The following RSRC1 variants were observed in gnomAD, a reference collection of about 807,000 sequenced individuals.
RSRC1 encodes arginine and serine rich coiled-coil 1, also known as serine/Arginine-related protein 53.
RSRC1 carries 39 observed loss-of-function variants against 49.1 expected under a neutral mutation model. The observed-to-expected ratio is 0.79, with a 90% CI of 0.61 to 1.04. The LOEUF (loss-of-function observed/expected upper bound fraction) is 1.04. RSRC1 is among the 50% of genes least tolerant of loss of function. The pLI is 0.00. For synonymous variants in RSRC1, 143 were observed against 130.8 expected (o/e 1.09, Z -0.63); for missense variants, 388 against 402.4 (o/e 0.96, Z 0.31).
intron 4 of RSRC1, among the ~76,000 whole-genome samples, chr3:158,291,383 AC>A (rs1319010317): frequency 2.6e-5 from 4 of 152,232 alleles, no homozygotes; most frequent in African/African-American, 9.6e-5. Context: ...TTATAATTAA[AC>A]CCTCACTGGA....
chr3:158,391,842 GAT>G (rs1491137171), intron 6 of RSRC1, among the ~76,000 whole-genome samples: 2 of 152,004 alleles, frequency 1.3e-5, no homozygotes, highest in Non-Finnish European at 2.9e-5. Flanking sequence ...GCTAGTTTGA[GAT>G]ATTTTTCACA....
At chr3:158,242,481 T>G (rs1433456584) in intron 4 of RSRC1, among the ~76,000 whole-genome samples, 1 of 152,178 alleles carries the variant, frequency 6.6e-6, no homozygotes, top group Non-Finnish European at 1.5e-5. Context: ...ATTTCATGTC[T>G]TTGCTATTGT....
At chr3:158,489,333 A>AGG (rs1738968416) in intron 7 of RSRC1, among the ~76,000 whole-genome samples, 1 of 152,222 alleles carries the variant, frequency 6.6e-6, no homozygotes, top group Non-Finnish European at 1.5e-5. Flanking sequence ...GGTTCTTCCA[A>AGG]GTCCACCCTT....
In RSRC1 at chr3:158,539,043, C is replaced by T. The variant is rs1329029079; in HGVS notation, c.759+1845C>T. Among the ~76,000 whole-genome samples, 1 of 151,932 alleles carries T rather than the reference C, an allele frequency of 6.6e-6. No individual in the cohort carries two copies. The highest frequency in any genetic ancestry group is 1.5e-5 in the Non-Finnish European group (1 of 67,880). On this transcript the variant is annotated intron_variant, in intron 8 of 9. Transcript: ENST00000611884. The surrounding 1 kb of genome is among the most constrained non-coding windows in gnomAD (Gnocchi z 4.1). Reference sequence around the variant, plus strand: ...TACTTAGCAAAAGGAGGTAAATTATCTTGTGGACCCTTTTATCCAGATCAT... The same window carrying T: ...TACTTAGCAAAAGGAGGTAAATTATTTTGTGGACCCTTTTATCCAGATCAT...
At chr3:158,482,551 A>G (rs555221879) in intron 7 of RSRC1, among the ~76,000 whole-genome samples, 6 of 152,146 alleles carry the variant, frequency 3.9e-5, no homozygotes, top group African/African-American at 1.4e-4. Flanking sequence ...AGGAGAATGG[A>G]CAAGAAGACT....
chr3:158,264,846 G>T (rs145652918), intron 4 of RSRC1, among the ~76,000 whole-genome samples: 1 of 152,174 alleles, frequency 6.6e-6, no homozygotes, highest in East Asian at 1.9e-4. Context: ...AGTTTTTCCT[G>T]TCTGGCTTGT....
At chr3:158,294,133 T>C (rs1727099491) in intron 4 of RSRC1, among the ~76,000 whole-genome samples, 1 of 152,100 alleles carries the variant, frequency 6.6e-6, no homozygotes, top group African/African-American at 2.4e-5. Flanking sequence ...TTAACCCTCC[T>C]TCTAGGATTC....
intron 1 of RSRC1, among the ~76,000 whole-genome samples, chr3:158,119,822 A>C (rs2108160258): frequency 7.0e-6 from 1 of 143,804 alleles, no homozygotes; most frequent in Non-Finnish European, 1.5e-5. Flanking sequence ...TATATTTATA[A>C]TTTCATAGTC....
intron 5 of RSRC1, among the ~76,000 whole-genome samples, chr3:158,314,132 C>T (rs1190421092): frequency 6.6e-6 from 1 of 152,014 alleles, no homozygotes; most frequent in South Asian, 2.1e-4. Flanking sequence ...CTCTTGTTAC[C>T]CAGGCTGGAG....
intron 6 of RSRC1, among the ~76,000 whole-genome samples, chr3:158,430,002 C>A (rs1324927421): frequency 6.6e-6 from 1 of 151,068 alleles, no homozygotes; most frequent in East Asian, 2.0e-4. Flanking sequence ...TGACTTGTAG[C>A]TTTAAAATTT....
At chr3:158,157,255 A>C (rs987522138) in intron 3 of RSRC1, among the ~76,000 whole-genome samples, 2 of 152,256 alleles carry the variant, frequency 1.3e-5, no homozygotes, top group African/African-American at 2.4e-5. Flanking sequence ...AGGGCCAGAC[A>C]TTAATAGAGA....
chr3:158,308,826 G>A (rs1427793593), intron 5 of RSRC1, among the ~76,000 whole-genome samples: 1 of 151,768 alleles, frequency 6.6e-6, no homozygotes, highest in South Asian at 2.1e-4. Context: ...TTTCATTTTC[G>A]CAGAATGGTG....
intron 4 of RSRC1, among the ~76,000 whole-genome samples, chr3:158,242,376 A>G (rs999161663): frequency 6.6e-6 from 1 of 152,154 alleles, no homozygotes; most frequent in South Asian, 2.1e-4. Flanking sequence ...TGCAAAGGAC[A>G]TGATCTTGTT....
chr3:158,332,854 C>A (rs897636844), intron 5 of RSRC1, among the ~76,000 whole-genome samples: 1 of 151,766 alleles, frequency 6.6e-6, no homozygotes, highest in Non-Finnish European at 1.5e-5. Flanking sequence ...GTTAGCATTT[C>A]TGCATGTTAC....
chr3:158,229,448 G>A (rs1335687659), intron 4 of RSRC1, among the ~76,000 whole-genome samples: 1 of 148,780 alleles, frequency 6.7e-6, no homozygotes, highest in Admixed American at 6.7e-5. Flanking sequence ...ATATACACAC[G>A]TATATGTGTA....
At chr3:158,145,284 A>T (rs1266882951) in intron 3 of RSRC1, among the ~76,000 whole-genome samples, 1 of 152,188 alleles carries the variant, frequency 6.6e-6, no homozygotes, top group East Asian at 1.9e-4. Flanking sequence ...TTAAGTCTTT[A>T]ATCCATCTTG....
intron 6 of RSRC1, among the ~76,000 whole-genome samples, chr3:158,417,465 G>A (rs1734806735): frequency 6.6e-6 from 1 of 151,888 alleles, no homozygotes; most frequent in Non-Finnish European, 1.5e-5. Flanking sequence ...AAATCACACT[G>A]AGATTTCTCT....
intron 5 of RSRC1, among the ~76,000 whole-genome samples, chr3:158,326,404 A>G (rs1410950481): frequency 6.6e-6 from 1 of 152,168 alleles, no homozygotes; most frequent in Non-Finnish European, 1.5e-5. Context: ...GATATGTTCC[A>G]TCAATACCTG....
chr3:158,127,625 A>C (rs1476205893), intron 3 of RSRC1, among the ~76,000 whole-genome samples: 1 of 151,584 alleles, frequency 6.6e-6, no homozygotes, highest in African/African-American at 2.4e-5. Flanking sequence ...TGGATCATTG[A>C]GCTTTAAGAC....
Sources: gnomAD v4.1 joint callset for allele counts (sites outside exome capture counted in the v4.1 genomes callset) on GRCh38, gnomAD v4.1.1 for gene constraint, Gnocchi (gnomAD v3.1) non-coding constraint, MANE v1.5 for transcripts, NCBI Gene and HGNC (gene_info 2026-07-23, HGNC 2026-07-21) for gene names.